The following GAD1 variants were observed in gnomAD, a reference collection of about 807,000 sequenced individuals.
GAD1 encodes the protein glutamate decarboxylase 1.
Under a neutral mutation model 75.2 loss-of-function variants are expected in GAD1, and 35 were observed. That is an observed-to-expected ratio of 0.47 (90% CI 0.36 to 0.62). GAD1 has a LOEUF of 0.62. Ranked by LOEUF, GAD1 falls within the 20% of genes least tolerant of loss-of-function variation. The probability of loss-of-function intolerance (pLI) is 0.00; values close to 1 mark genes in which losing one functional copy is unlikely to be tolerated. For missense variants in GAD1, 490 were observed against 758.5 expected, an observed-to-expected ratio of 0.65 and a Z score of 4.16; for synonymous variants, 257 against 271.9, an observed-to-expected ratio of 0.95 and a Z score of 0.54.
At chr2:170,824,378 TACACACACACACACACACACACACACAC>T (rs10529529) in intron 3 of GAD1, among the ~76,000 whole-genome samples, 3 of 146,306 alleles carry the variant, frequency 2.1e-5, no homozygotes, top group Non-Finnish European at 4.5e-5. Context: ...CCTGCCTGCC[TACACACACACACACACACACACACACAC>T]ACACACACAC....
chr2:170,859,635 A>G, intron 16 of GAD1, 74 bp from the exon 17 acceptor site: 1 of 1,442,664 alleles, frequency 6.9e-7, no homozygotes, highest in Non-Finnish European at 9.7e-7. Flanking sequence ...GTAAAATGCA[A>G]GTTGGGTTGA....
rs566385980 is a variant in GAD1, at chr2:170,859,730, C to T, written c.1633C>T (p.Leu545=). Reference sequence around the variant, plus strand: ...CAAGGTGGCTCCAAAAATCAAAGCCCTGATGATGGAGTCAGGTACGACCAT... The same window carrying T: ...CAAGGTGGCTCCAAAAATCAAAGCCTTGATGATGGAGTCAGGTACGACCAT... ...LHKVAPKIKA[L]MMESGTTMVG... The change falls in exon 17 of 17, where the codon CTG becomes TTG. Residue 545 remains leucine (L), a synonymous_variant. Transcript: ENST00000358196. The T allele has an allele frequency of 5.0e-6, 8 of 1,614,158 alleles. No homozygotes were observed. In the South Asian group the frequency reaches 8.8e-5, roughly 18 times the overall value.
chr2:170,836,488 A>G (rs922054257), intron 5 of GAD1, among the ~76,000 whole-genome samples: 2 of 152,210 alleles, frequency 1.3e-5, no homozygotes, highest in Non-Finnish European at 2.9e-5. Flanking sequence ...TTTACTATAT[A>G]TATATTGGCA....
chr2:170,854,069 C>T, intron 14 of GAD1, 47 bp downstream of exon 14: 1 of 1,607,994 alleles, frequency 6.2e-7, no homozygotes, highest in East Asian at 2.2e-5. Flanking sequence ...GTAATTTGCA[C>T]AGACTGGCTG....
Position 170,847,737 on chromosome 2 carries a change from C to G in GAD1, c.1064C>G (p.Pro355Arg). ...AGTTVYGAFD[P>R]IQEIADICEK... ...ACGACTGTTTATGGAGCTTTTGATC[C>G]GATACAAGAGATTGCAGATATATGT... is the stretch of plus-strand genomic sequence containing the variant. Residue 355 changes from proline (P) to arginine (R), a missense_variant, in exon 11 of 17, where the codon CCG becomes CGG. By Grantham distance (103) the Pro-to-Arg change is moderately radical. This residue lies in a region of GAD1 where 324 missense variants were observed against 523.9 expected (regional missense o/e 0.62). Transcript: ENST00000358196. 6.2e-7 allele frequency: 1 copy of G among 1,614,082 alleles called. No homozygotes were observed. The highest frequency in any genetic ancestry group is 8.5e-7 in the Non-Finnish European group (1 of 1,179,960).
intron 5 of GAD1, among the ~76,000 whole-genome samples, chr2:170,836,436 AG>A (rs1702376755): frequency 6.6e-6 from 1 of 152,214 alleles, no homozygotes; most frequent in South Asian, 2.1e-4. Context: ...TTCACAGAGG[AG>A]AGCTAAGTTA....
intron 3 of GAD1, among the ~76,000 whole-genome samples, chr2:170,827,170 C>A (rs1702045259): frequency 6.6e-6 from 1 of 152,114 alleles, no homozygotes; most frequent in African/African-American, 2.4e-5. Flanking sequence ...ATTCTAATCA[C>A]CGCAGCCCTC....
At chr2:170,820,431 C>T (rs1284529260) in intron 2 of GAD1, among the ~76,000 whole-genome samples, 2 of 152,258 alleles carry the variant, frequency 1.3e-5, no homozygotes, top group African/African-American at 4.8e-5. Context: ...CTTAGCCTAG[C>T]TACGCATCCG....
chr2:170,847,494 T>C (rs1702658092), intron 10 of GAD1, among the ~76,000 whole-genome samples, 182 bp from the exon 11 acceptor site: 1 of 152,202 alleles, frequency 6.6e-6, no homozygotes, highest in Admixed American at 6.5e-5. Context: ...AAAATGTTTG[T>C]TGAATAAATG....
intron 3 of GAD1, among the ~76,000 whole-genome samples, chr2:170,828,094 CT>C (rs1702071997): frequency 1.9e-4 from 2 of 10,458 alleles, no homozygotes; most frequent in Admixed American, 9.8e-4. Context: ...CTCACCCCTC[CT>C]CCTTCTGCTG....
intron 3 of GAD1, among the ~76,000 whole-genome samples, chr2:170,827,055 C>G (rs906389959): frequency 1.3e-5 from 2 of 152,086 alleles, no homozygotes; most frequent in Admixed American, 1.3e-4. Flanking sequence ...GTCCTTTGGG[C>G]TTTAGTGATA....
At chr2:170,854,456 A>G (rs1395981905) in intron 14 of GAD1, among the ~76,000 whole-genome samples, 7 of 139,416 alleles carry the variant, frequency 5.0e-5, no homozygotes, top group African/African-American at 1.1e-4. Context: ...GCTGGAGTGC[A>G]GTGGCGCGAT....
intron 11 of GAD1, 168 bp from the exon 12 acceptor site, chr2:170,849,117 GA>G: frequency 2.9e-6 from 2 of 694,178 alleles, no homozygotes; most frequent in Non-Finnish European, 5.2e-6. Context: ...GACAAGCAAT[GA>G]AGAATCACAA....
chr2:170,845,510 C>G lies in GAD1; in HGVS notation c.756C>G (p.Gly252=), dbSNP rs539657238. 1.2e-6 allele frequency: 2 copies of G among 1,613,042 alleles called. No homozygotes were observed. Among genetic ancestry groups the G allele is most frequent in the East Asian group, 4.5e-5 (2 of 44,882 alleles). ...AATATGTCCGCTTGCTGACAGGGGG[C>G]GCCATATCCAACATGTACAGCATCA... The part of the protein sequence containing the change: ...KDGDGIFSPG[G]AISNMYSIMA... Residue 252 remains glycine (G), a synonymous_variant, in exon 8 of 17, where the codon GGC becomes GGG. Coordinates refer to ENST00000358196, the MANE Select transcript of GAD1 (RefSeq NM_000817.3).
chr2:170,818,509 G>A lies in GAD1; in HGVS notation c.-63-20G>A. The stretch of plus-strand genomic sequence containing the variant: ...GGACCCCGGAAGTCCTCCCCGCACA[G>A]CTCTCGCTTCTCTTTGCAGCCTGTT... On this transcript the variant is annotated intron_variant, in intron 1 of 16. Transcript: ENST00000358196. This position sits in a 1 kb window ranked among gnomAD's most constrained non-coding sequence, Gnocchi z 5.9. 7.6e-7 allele frequency: 1 copy of A among 1,320,698 alleles called. No homozygotes were observed. The allele number at this position is 1,320,698 out of a possible 1,614,324, so 81.8% of individuals were successfully genotyped here. A position where few individuals can be genotyped will look rare whatever the true frequency, so the allele number is the denominator to read the frequency against.
chr2:170,837,836 G>A (rs568734139), intron 6 of GAD1, among the ~76,000 whole-genome samples: 142 of 152,306 alleles, frequency 9.3e-4, no homozygotes, highest in Non-Finnish European at 1.7e-3. Context: ...TCCAAAAAAT[G>A]AATTTAGGTA....
chr2:170,851,065 T>G (rs1702736315), intron 12 of GAD1, among the ~76,000 whole-genome samples: 1 of 152,148 alleles, frequency 6.6e-6, no homozygotes, highest in South Asian at 2.1e-4. Flanking sequence ...CAATTTAACT[T>G]TAGATTTCTC....
At chr2:170,832,103 A>T (rs1702247086) in intron 5 of GAD1, among the ~76,000 whole-genome samples, 1 of 152,124 alleles carries the variant, frequency 6.6e-6, no homozygotes, top group South Asian at 2.1e-4. Flanking sequence ...CCTGTCCCTG[A>T]CACTGGGGAG....
intron 2 of GAD1, among the ~76,000 whole-genome samples, chr2:170,820,031 T>C (rs1047326644): frequency 6.6e-5 from 10 of 152,220 alleles, no homozygotes; most frequent in Non-Finnish European, 1.3e-4. Context: ...TGGTAGCATA[T>C]GAACCAGGCA....
Sources: allele counts gnomAD v4.1 joint callset (sites outside exome capture counted in the v4.1 genomes callset), GRCh38; gene constraint gnomAD v4.1.1; regional missense constraint gnomAD v4.1.1; non-coding constraint Gnocchi (gnomAD v3.1); transcripts MANE v1.5; gene names NCBI Gene and HGNC (gene_info 2026-07-23, HGNC 2026-07-21).